Variants in MITF observed in about 807,000 individuals in gnomAD.
MITF encodes the protein melanocyte inducing transcription factor.
In MITF, 17 loss-of-function variants were observed where a neutral mutation model predicts 60.5. That is an observed-to-expected ratio of 0.28 (90% CI 0.19 to 0.42). MITF has a LOEUF of 0.42. Among genes scored for constraint, MITF ranks in the 10% least tolerant of loss-of-function variants. The pLI is 1.00. For synonymous variants in MITF, 260 were observed against 248.5 expected, an observed-to-expected ratio of 1.05 and a Z score of -0.43; for missense variants, 622 against 683.5, an observed-to-expected ratio of 0.91 and a Z score of 1.00.
chr3:69,953,629 G>GTATA (rs56046640), intron 7 of MITF, among the ~76,000 whole-genome samples: 1 of 141,984 alleles, frequency 7.0e-6, no homozygotes, highest in Admixed American at 7.1e-5. Context: ...ATATATGTGT[G>GTATA]TATATATATA....
intron 1 of MITF, among the ~76,000 whole-genome samples, chr3:69,742,628 G>T (rs941879997): frequency 1.3e-5 from 2 of 152,062 alleles, no homozygotes; most frequent in Admixed American, 1.3e-4. Context: ...CCTTTGCCCA[G>T]ACAGACCCAG....
At chr3:69,762,698 T>C (rs1296859877) in intron 1 of MITF, 2 of 219,326 alleles carry the variant, frequency 9.1e-6, no homozygotes. Flanking sequence ...ACCATGGGCC[T>C]CCTGCCCTGG....
intron 1 of MITF, among the ~76,000 whole-genome samples, chr3:69,843,542 T>C (rs1163595461): frequency 6.6e-6 from 1 of 152,112 alleles, no homozygotes; most frequent in Admixed American, 6.6e-5. Flanking sequence ...TTGTATGGGG[T>C]GTCTGTCTTG....
At chr3:69,953,660 T>TAGAGAG (rs1315718862) in intron 7 of MITF, among the ~76,000 whole-genome samples, 35 of 135,748 alleles carry the variant, frequency 2.6e-4, no homozygotes, top group African/African-American at 8.5e-4. Context: ...TATATATATA[T>TAGAGAG]ATAGAGAGAG....
chr3:69,810,343 C>T (rs2063081416), intron 1 of MITF, among the ~76,000 whole-genome samples: 1 of 151,962 alleles, frequency 6.6e-6, no homozygotes, highest in African/African-American at 2.4e-5. Context: ...TTTTTCCATT[C>T]ATTTCTTAAA....
chr3:69,777,068 A>G (rs905420631), intron 1 of MITF, among the ~76,000 whole-genome samples: 1 of 152,208 alleles, frequency 6.6e-6, no homozygotes, highest in African/African-American at 2.4e-5. Context: ...TGCATTTGCA[A>G]TTTTGCAGAT....
At chr3:69,878,953 C>G (rs1158538389) in intron 1 of MITF, among the ~76,000 whole-genome samples, 181 bp from the exon 2 acceptor site, 2 of 152,084 alleles carry the variant, frequency 1.3e-5, no homozygotes, top group African/African-American at 4.8e-5. Flanking sequence ...TTTAATTCAA[C>G]TACTAATGAC....
intron 1 of MITF, among the ~76,000 whole-genome samples, chr3:69,801,534 G>A (rs1012500054): frequency 6.6e-6 from 1 of 152,134 alleles, no homozygotes; most frequent in Non-Finnish European, 1.5e-5. Flanking sequence ...TTGATGCCAA[G>A]AGATATCAAG....
chr3:69,949,184 A>G lies in MITF; in HGVS notation c.880+16A>G. The G allele has an allele frequency of 6.4e-7, 1 of 1,553,232 alleles. No individual in the cohort carries two copies. Among genetic ancestry groups the G allele is most frequent in the Non-Finnish European group, 8.9e-7 (1 of 1,124,580 alleles). On this transcript the variant is annotated intron_variant, in intron 6 of 9. Coordinates refer to ENST00000352241, the MANE Select transcript of MITF (RefSeq NM_001354604.2). ...GAGCTCACAGGTAAACACCTAGTAA[A>G]TGTGCCTCTTACTGCAGATTTCTGT...
chr3:69,965,105 A>G lies in MITF; in HGVS notation c.1438A>G (p.Lys480Glu). The G allele has an allele frequency of 6.2e-7, 1 of 1,614,126 alleles. No homozygotes were observed. The highest frequency in any genetic ancestry group is 8.5e-7 in the Non-Finnish European group (1 of 1,180,024). Residue 480 changes from lysine to glutamate, a missense_variant, in exon 10 of 10, where the codon AAA (lysine) becomes GAA (glutamate). This residue lies in a region of MITF where 224 missense variants were observed against 209.5 expected (regional missense o/e 1.07). Transcript: ENST00000352241. ...TAGTGTCCCCACAAAAATGGGATCCAAACTGGAAGACATCCTGATGGACGA... is the reference window on the plus strand; with the variant it reads ...TAGTGTCCCCACAAAAATGGGATCCGAACTGGAAGACATCCTGATGGACGA... ...AYSVPTKMGS[K>E]LEDILMDDTL...
At chr3:69,804,871 G>T (rs796461762) in intron 1 of MITF, among the ~76,000 whole-genome samples, 1 of 152,190 alleles carries the variant, frequency 6.6e-6, no homozygotes, top group Non-Finnish European at 1.5e-5. Flanking sequence ...CCTTGAATTT[G>T]AAAGGCTATA....
At chr3:69,961,596 T>A (rs2066549648) in intron 9 of MITF, among the ~76,000 whole-genome samples, 1 of 148,970 alleles carries the variant, frequency 6.7e-6, no homozygotes, top group Admixed American at 6.7e-5. Flanking sequence ...TAGCTGGGCA[T>A]GGTGGTGGAT....
chr3:69,937,561 A>G (rs889017915), intron 2 of MITF, among the ~76,000 whole-genome samples: 8 of 152,194 alleles, frequency 5.3e-5, no homozygotes, highest in Non-Finnish European at 1.0e-4. Flanking sequence ...ATATGAGAAG[A>G]AGGATACAAG....
At chr3:69,952,105 T>C (rs1417522976) in intron 7 of MITF, among the ~76,000 whole-genome samples, 2 of 152,200 alleles carry the variant, frequency 1.3e-5, no homozygotes, top group Non-Finnish European at 2.9e-5. Context: ...TTTCAGTTTC[T>C]GAAGAGTTTT....
intron 1 of MITF, among the ~76,000 whole-genome samples, chr3:69,740,452 T>C (rs1703487640): frequency 6.6e-6 from 1 of 152,192 alleles, no homozygotes; most frequent in African/African-American, 2.4e-5. Context: ...GACACGTGTT[T>C]AATTCGCTGG....
intron 1 of MITF, among the ~76,000 whole-genome samples, chr3:69,799,431 G>A (rs1029775807): frequency 3.9e-5 from 6 of 152,158 alleles, no homozygotes; most frequent in Non-Finnish European, 8.8e-5. Context: ...TTATTTCTCT[G>A]ATTTAAGCAT....
At chr3:69,780,138 T>C (rs993574165) in intron 1 of MITF, among the ~76,000 whole-genome samples, 4 of 152,028 alleles carry the variant, frequency 2.6e-5, no homozygotes, top group African/African-American at 7.3e-5. Flanking sequence ...TAAAAGATGA[T>C]CTAATAGAGA....
intron 1 of MITF, among the ~76,000 whole-genome samples, chr3:69,807,481 A>G (rs968830256): frequency 3.9e-5 from 6 of 152,338 alleles, no homozygotes; most frequent in Middle Eastern, 3.4e-3. Flanking sequence ...CTCAAAGGCA[A>G]TTGTGGAACA....
chr3:69,819,926 T>C (rs940293225), intron 1 of MITF, among the ~76,000 whole-genome samples: 8 of 152,070 alleles, frequency 5.3e-5, no homozygotes, highest in Admixed American at 2.0e-4. Context: ...AGTTGCACCA[T>C]TGCACTCCAG....
Sources: allele counts gnomAD v4.1 joint callset (sites outside exome capture counted in the v4.1 genomes callset), GRCh38; gene constraint gnomAD v4.1.1; regional missense constraint gnomAD v4.1.1; transcripts MANE v1.5; gene names NCBI Gene and HGNC (gene_info 2026-07-23, HGNC 2026-07-21).